The following PLD3 variants were observed in gnomAD, a reference collection of about 807,000 sequenced individuals.
PLD3 encodes phospholipase D family member 3.
A neutral mutation model predicts 58.4 loss-of-function variants in PLD3; 31 were observed. The observed-to-expected ratio is 0.53, with a 90% confidence interval of 0.40 to 0.72. The LOEUF is 0.72. Ranked by LOEUF, PLD3 falls within the 30% of genes least tolerant of loss-of-function variation. The pLI is 0.00. For missense variants in PLD3, 595 were observed against 659.8 expected, an observed-to-expected ratio of 0.90 and a Z score of 1.08; for synonymous variants, 264 against 273.4, an observed-to-expected ratio of 0.97 and a Z score of 0.34.
chr19:40,355,592 G>A (rs2078635942), intron 1 of PLD3, among the ~76,000 whole-genome samples: 1 of 142,532 alleles, frequency 7.0e-6, no homozygotes, highest in Non-Finnish European at 1.5e-5. Flanking sequence ...GATTACAGGT[G>A]TGAGCCACCG....
chr19:40,367,731 A>C lies in PLD3; in HGVS notation c.281A>C (p.Asp94Ala). 1 of 1,613,536 alleles carries C rather than the reference A, an allele frequency of 6.2e-7. No homozygotes were observed. The highest frequency in any genetic ancestry group is 8.5e-7 in the Non-Finnish European group (1 of 1,179,672). ...GTGGAAAGCATTCCTGAGGGCCTGG[A>C]CTTCCCCAATGCCTCCACGGGGAAC... The part of the protein sequence containing the change: ...VLVESIPEGL[D>A]FPNASTGNPS... The change falls in exon 6 of 13, where the codon GAC becomes GCC. Residue 94 changes from aspartate to alanine, a missense_variant. Physicochemically the swap from Asp to Ala is moderately radical, Grantham distance 126. Transcript: ENST00000409735.
At chr19:40,348,811 C>A (rs953352428) in intron 1 of PLD3, 43 bp downstream of exon 1, 1 of 280,568 alleles carries the variant, frequency 3.6e-6, no homozygotes. Context: ...CTACCCTCCT[C>A]GTGTTGTCTT....
Position 40,366,729 on chromosome 19 carries a change from G to C in PLD3, c.103-44G>C, listed in dbSNP as rs776692477. The C allele has an allele frequency of 5.6e-6, 9 of 1,613,946 alleles. No individual in the cohort carries two copies. The African/African-American group carries it at 1.2e-4, about 22-fold the overall frequency. On this transcript the variant is annotated intron_variant, in intron 4 of 12. Transcript: ENST00000409735. ...CTCGCTCTGTCTCAGAGACAGGCTG[G>C]GCTGCCCCCCTCGGGCTGGCTGACC...
At chr19:40,367,500 G>A in intron 5 of PLD3, 196 bp from the exon 6 acceptor site, 1 of 511,192 alleles carries the variant, frequency 2.0e-6, no homozygotes, top group Non-Finnish European at 3.5e-6. Flanking sequence ...AGGATCGCTT[G>A]AGCCCAGGGG....
At position 40,376,720 on chromosome 19, in the gene PLD3, C is replaced by T. The variant is rs1299614268; in HGVS notation, c.1131C>T (p.Phe377=). The T allele has an allele frequency of 6.2e-7, 1 of 1,602,658 alleles. No homozygotes were observed. Among genetic ancestry groups the T allele is most frequent in the Admixed American group, 1.7e-5 (1 of 60,012 alleles). The change falls in exon 11 of 13, where the codon TTC becomes TTT. Residue 377 remains phenylalanine (F), a synonymous_variant. Transcript: ENST00000409735. ...WGHSEPSMRA[F]LLSLAALRDN... is the part of the protein sequence containing the mutation. The stretch of plus-strand genomic sequence containing the variant: ...ACTCGGAGCCATCCATGCGGGCCTT[C>T]CTGCTCTCTCTGGCTGCCCTGCGTG...
intron 8 of PLD3, chr19:40,371,418 A>C (rs2079064486): frequency 2.0e-6 from 1 of 498,212 alleles, no homozygotes; most frequent in East Asian, 3.4e-5. Flanking sequence ...GCCTAGACCT[A>C]AGAATGAGTA....
chr19:40,359,844 G>A (rs1011617964), intron 1 of PLD3: 16 of 152,090 alleles, frequency 1.1e-4, no homozygotes, highest in Non-Finnish European at 2.2e-4. Context: ...CACATTATAT[G>A]TGTGCTAATT....
intron 1 of PLD3, among the ~76,000 whole-genome samples, chr19:40,355,602 G>A (rs1467249605): frequency 3.5e-5 from 5 of 141,598 alleles, no homozygotes; most frequent in South Asian, 4.5e-4. Flanking sequence ...GTGAGCCACC[G>A]TGCCGGCTCC....
Position 40,371,865 on chromosome 19 carries a change from T to C in PLD3, c.871T>C (p.Tyr291His). 6.2e-7 allele frequency: 1 copy of C among 1,613,794 alleles called. No individual in the cohort carries two copies. Among genetic ancestry groups the C allele is most frequent in the Non-Finnish European group, 8.5e-7 (1 of 1,179,872 alleles). ...ICLNGTPALA[Y>H]LASAPPPLCP... Reference sequence around the variant, plus strand: ...CCTCAATGGAACCCCTGCTCTGGCCTACCTGGCGGTGAGTCTGGGGCAAGT... The same window carrying C: ...CCTCAATGGAACCCCTGCTCTGGCCCACCTGGCGGTGAGTCTGGGGCAAGT... The change falls in exon 9 of 13, where the codon TAC becomes CAC. Residue 291 changes from tyrosine (Y) to histidine (H), a missense_variant. Coordinates refer to ENST00000409735, the MANE Select transcript of PLD3 (RefSeq NM_012268.4).
intron 11 of PLD3, 119 bp downstream of exon 11, chr19:40,376,893 G>A: frequency 6.2e-6 from 6 of 971,960 alleles, no homozygotes; most frequent in Non-Finnish European, 9.0e-6. Flanking sequence ...GTCACTGTGG[G>A]GAAACCATGG....
At chr19:40,374,906 A>T (rs2145702469) in intron 10 of PLD3, 1 of 400,474 alleles carries the variant, frequency 2.5e-6, no homozygotes, top group African/African-American at 2.0e-5. Flanking sequence ...CTGTAATCCC[A>T]ACATTTTGCG....
rs1328429640 is a variant in PLD3 at position 40,376,600 on chromosome 19, C to T, written c.1020-9C>T. ...CATCCTGCCCCACCTCCTATACACC[C>T]GTCCTCAGGTTCTGGCCTGCCATTG... On this transcript the variant is annotated splice_polypyrimidine_tract_variant and intron_variant, in intron 10 of 12. Coordinates refer to ENST00000409735, the MANE Select transcript of PLD3 (RefSeq NM_012268.4). The T allele has an allele frequency of 3.1e-6, 5 of 1,608,196 alleles. No individual in the cohort carries two copies. The highest frequency in any genetic ancestry group is 2.2e-5 in the East Asian group (1 of 44,878).
At chr19:40,352,647 T>C (rs574597103) in intron 1 of PLD3, among the ~76,000 whole-genome samples, 2 of 151,978 alleles carry the variant, frequency 1.3e-5, no homozygotes, top group East Asian at 3.9e-4. Context: ...AAGTCCAATT[T>C]AAAAAAATAA....
intron 10 of PLD3, 119 bp downstream of exon 10, chr19:40,374,739 G>T: frequency 9.0e-7 from 1 of 1,114,926 alleles, no homozygotes; most frequent in East Asian, 2.4e-5. Flanking sequence ...AAGAGAAGCT[G>T]CAGGGAGAGA....
In PLD3 at chr19:40,378,157, C is replaced by T. The variant is rs757187394; in HGVS notation, c.1457C>T (p.Ala486Val). The T allele has an allele frequency of 1.9e-6, 3 of 1,609,764 alleles. No individual in the cohort carries two copies. The highest frequency in any genetic ancestry group is 2.5e-6 in the Non-Finnish European group (3 of 1,177,610). The change falls in exon 13 of 13, where the codon GCC becomes GTC. Residue 486 changes from alanine (A) to valine (V), a missense_variant. Physicochemically the swap from Ala to Val is moderately conservative, Grantham distance 64. Transcript: ENST00000409735. ...LDTSADSVGN[A>V]CRLL ...ACCTCAGCTGACAGCGTGGGCAACG[C>T]CTGCCGCCTGCTCTGAGGCCCGATC...
intron 1 of PLD3, among the ~76,000 whole-genome samples, chr19:40,352,140 G>T (rs1370205052): frequency 6.6e-6 from 1 of 151,914 alleles, no homozygotes. Context: ...GGGCGTTGTG[G>T]CTTGTGCCTG....
intron 6 of PLD3, 96 bp from the exon 7 acceptor site, chr19:40,369,812 T>A: frequency 8.5e-7 from 1 of 1,174,262 alleles, no homozygotes; most frequent in Non-Finnish European, 1.2e-6. Flanking sequence ...GTCTGTTTAC[T>A]CCTAATCATG....
intron 10 of PLD3, chr19:40,374,914 G>T (rs2079156520): frequency 2.6e-6 from 1 of 381,484 alleles, no homozygotes; most frequent in South Asian, 2.7e-5. Flanking sequence ...CCAACATTTT[G>T]CGGGGCTGAG....
intron 3 of PLD3, 31 bp from the exon 4 acceptor site, chr19:40,366,555 GGGGTGGGGGTTCCCAAGAGCCACC>G: frequency 6.3e-7 from 1 of 1,594,804 alleles, no homozygotes; most frequent in South Asian, 1.1e-5. Context: ...GGGTACAGTG[GGGGTGGGGGTTCCCAAGAGCCACC>G]TGTCACCCCC....
Sources: gnomAD v4.1 joint callset for allele counts (sites outside exome capture counted in the v4.1 genomes callset) on GRCh38, gnomAD v4.1.1 for gene constraint, MANE v1.5 for transcripts, NCBI Gene and HGNC (gene_info 2026-07-23, HGNC 2026-07-21) for gene names.